SLC44A5: variants seen among roughly 807,000 people sequenced by gnomAD.
SLC44A5 encodes the protein choline transporter-like protein 5.
In SLC44A5, 57 loss-of-function variants were observed where a neutral mutation model predicts 101.8. The ratio of observed to expected loss-of-function variants is 0.56; its 90% confidence interval spans 0.45 to 0.70. The LOEUF (loss-of-function observed/expected upper bound fraction) is 0.70. Among genes scored for constraint, SLC44A5 ranks in the 30% least tolerant of loss-of-function variants. The probability of loss-of-function intolerance (pLI) is 0.00; values close to 1 mark genes in which losing one functional copy is unlikely to be tolerated. For missense variants in SLC44A5, 737 were observed against 853.1 expected, an observed-to-expected ratio of 0.86 and a Z score of 1.70; for synonymous variants, 281 against 290.9, an observed-to-expected ratio of 0.97 and a Z score of 0.35.
chr1:75,520,788 A>G (rs778817967), intron 2 of SLC44A5, among the ~76,000 whole-genome samples: 9 of 152,208 alleles, frequency 5.9e-5, no homozygotes, highest in Non-Finnish European at 1.2e-4. Flanking sequence ...TTGTAAGAAA[A>G]TAGAGTACAG....
intron 2 of SLC44A5, among the ~76,000 whole-genome samples, chr1:75,446,681 C>T (rs1398611930): frequency 6.6e-6 from 1 of 152,026 alleles, no homozygotes; most frequent in Non-Finnish European, 1.5e-5. Flanking sequence ...CACACATACA[C>T]ACACACAATG....
chr1:75,323,780 TGTTTATCTCTAAA>T (rs1163432922), intron 4 of SLC44A5, among the ~76,000 whole-genome samples: 3 of 152,208 alleles, frequency 2.0e-5, no homozygotes, highest in South Asian at 2.1e-4. Context: ...TTAACATCTA[TGTTTATCTCTAAA>T]GTTTATCTCT....
chr1:75,636,678 TAAG>T, the SLC44A5 span, among the ~76,000 whole-genome samples: 1 of 152,036 alleles, frequency 6.6e-6, no homozygotes, highest in African/African-American at 2.4e-5. Flanking sequence ...TTAATCCAGA[TAAG>T]AAACAAAGAA....
chr1:75,678,070 C>A, the SLC44A5 span, among the ~76,000 whole-genome samples: 5 of 152,216 alleles, frequency 3.3e-5, no homozygotes, highest in African/African-American at 1.2e-4. Flanking sequence ...TAGAAAACGG[C>A]GCACCACGAG....
intron 2 of SLC44A5, among the ~76,000 whole-genome samples, chr1:75,525,092 C>T (rs891303434): frequency 4.6e-5 from 7 of 151,982 alleles, no homozygotes; most frequent in Non-Finnish European, 1.0e-4. Flanking sequence ...ACTTTTTATA[C>T]CTCCCAATGA....
intron 3 of SLC44A5, among the ~76,000 whole-genome samples, chr1:75,384,961 G>C (rs1661198977): frequency 6.6e-6 from 1 of 150,658 alleles, no homozygotes; most frequent in Non-Finnish European, 1.5e-5. Context: ...ATGACTACTG[G>C]GTACATAATG....
chr1:75,263,749 G>A (rs1650739024), intron 6 of SLC44A5, among the ~76,000 whole-genome samples: 3 of 152,178 alleles, frequency 2.0e-5, no homozygotes, highest in Admixed American at 2.0e-4. Context: ...ATCAGTGATA[G>A]ACTGGATAAA....
the SLC44A5 span, among the ~76,000 whole-genome samples, chr1:75,687,205 A>G: frequency 6.6e-6 from 1 of 152,180 alleles, no homozygotes; most frequent in Non-Finnish European, 1.5e-5. Context: ...TCATTAACAT[A>G]CTAAATCACA....
the SLC44A5 span, among the ~76,000 whole-genome samples, chr1:75,670,343 G>A: frequency 2.6e-5 from 4 of 151,972 alleles, no homozygotes; most frequent in African/African-American, 9.7e-5. Context: ...ATATTATGAT[G>A]ACTTTTAAAG....
At position 75,438,898 on chromosome 1, in the gene SLC44A5, A is replaced by G. The variant is rs1665035558; in HGVS notation, c.14-42277T>C. Among the ~76,000 whole-genome samples the G allele has an allele frequency of 2.0e-5, 3 of 152,186 alleles. No homozygotes were observed. In the South Asian group the frequency reaches 6.2e-4, roughly 31 times the overall value. On this transcript the variant is annotated intron_variant, in intron 2 of 23. Transcript: ENST00000370859. ...CAGATATTGAAATTAACAGCAAAAA[A>G]ATAAAGTCAAAGTCTTTTAGGATAA...
chr1:75,696,976 G>A, the SLC44A5 span, among the ~76,000 whole-genome samples: 2 of 152,052 alleles, frequency 1.3e-5, no homozygotes, highest in Non-Finnish European at 2.9e-5. Context: ...AATGAGAGAC[G>A]AAAAGGAAGT....
chr1:75,425,437 C>T (rs1433194002), intron 2 of SLC44A5, among the ~76,000 whole-genome samples: 1 of 152,122 alleles, frequency 6.6e-6, no homozygotes, highest in East Asian at 1.9e-4. Flanking sequence ...TGTGAAGTCC[C>T]GAAGTCTGTA....
intron 4 of SLC44A5, among the ~76,000 whole-genome samples, chr1:75,318,066 G>T (rs1432990026): frequency 6.6e-6 from 1 of 152,108 alleles, no homozygotes; most frequent in Non-Finnish European, 1.5e-5. Context: ...AGATACAGTT[G>T]AAGTTGGTCA....
the SLC44A5 span, among the ~76,000 whole-genome samples, chr1:75,675,755 G>A: frequency 6.6e-6 from 1 of 152,120 alleles, no homozygotes; most frequent in Admixed American, 6.6e-5. Context: ...ACTATCATCA[G>A]AGTGAACAGA....
the SLC44A5 span, among the ~76,000 whole-genome samples, chr1:75,697,659 C>T: frequency 4.6e-5 from 7 of 152,070 alleles, no homozygotes; most frequent in Non-Finnish European, 7.4e-5. Context: ...CCAAGATGGC[C>T]GAATAGGGAC....
At chr1:75,413,436 T>C (rs1663411734) in intron 2 of SLC44A5, among the ~76,000 whole-genome samples, 1 of 152,170 alleles carries the variant, frequency 6.6e-6, no homozygotes, top group Non-Finnish European at 1.5e-5. Context: ...ATAAGAAACT[T>C]TTGCTAGTAT....
At chr1:75,297,913 A>G (rs1262843239) in intron 5 of SLC44A5, among the ~76,000 whole-genome samples, 1 of 152,206 alleles carries the variant, frequency 6.6e-6, no homozygotes, top group Admixed American at 6.5e-5. Context: ...CATAAAGGGC[A>G]AAGAACAGTT....
chr1:75,337,679 C>T (rs1375562631), intron 4 of SLC44A5, among the ~76,000 whole-genome samples: 1 of 152,166 alleles, frequency 6.6e-6, no homozygotes, highest in Non-Finnish European at 1.5e-5. Flanking sequence ...AGCTCTCATA[C>T]ACCCAGTTCT....
chr1:75,669,579 A>G, the SLC44A5 span, among the ~76,000 whole-genome samples: 1 of 152,210 alleles, frequency 6.6e-6, no homozygotes, highest in African/African-American at 2.4e-5. Flanking sequence ...TGGGAATGAA[A>G]CACTTTAAAA....
Sources: allele counts gnomAD v4.1 joint callset (sites outside exome capture counted in the v4.1 genomes callset), GRCh38; gene constraint gnomAD v4.1.1; transcripts MANE v1.5; gene names NCBI Gene and HGNC (gene_info 2026-07-23, HGNC 2026-07-21).